Variants in MEI1 observed in about 807,000 individuals in gnomAD.
The protein encoded by MEI1 is meiosis inhibitor protein 1.
A neutral mutation model predicts 146.2 loss-of-function variants in MEI1; 103 were observed. The observed-to-expected ratio is 0.70, with a 90% CI of 0.60 to 0.83. The LOEUF (loss-of-function observed/expected upper bound fraction) is 0.83, where lower values mean the gene tolerates loss of function less well. Among genes scored for constraint, MEI1 ranks in the 40% least tolerant of loss-of-function variants. The pLI is 0.00. For missense variants in MEI1, 1,529 were observed against 1,533.0 expected (o/e 1.00, Z 0.04); for synonymous variants, 652 against 628.2 (o/e 1.04, Z -0.57).
chr22:41,794,589 G>A (rs2076299478), intron 28 of MEI1, 112 bp downstream of exon 28: 2 of 816,430 alleles, frequency 2.4e-6, no homozygotes, highest in East Asian at 5.0e-5. Flanking sequence ...GAAGGTGGAA[G>A]GGCTCGGCAG....
chr22:41,781,578 T>TCC (rs1321866029), intron 23 of MEI1, 107 bp from the exon 24 acceptor site: 1 of 1,343,038 alleles, frequency 7.4e-7, no homozygotes, highest in African/African-American at 1.8e-5. Flanking sequence ...CTCAGGATGA[T>TCC]CCTCTGTTTG....
chr22:41,720,959 T>G (rs1337439708), intron 6 of MEI1, among the ~76,000 whole-genome samples: 1 of 151,566 alleles, frequency 6.6e-6, no homozygotes, highest in Non-Finnish European at 1.5e-5. Context: ...TTTTTTTTTT[T>G]AAGTAGAGAC....
chr22:41,773,623 C>G (rs1040712542), intron 20 of MEI1, among the ~76,000 whole-genome samples: 11 of 151,090 alleles, frequency 7.3e-5, no homozygotes, highest in African/African-American at 2.7e-4. Context: ...CGCCTGTAAT[C>G]CCAGCGCTTT....
Position 41,795,322 on chromosome 22 carries a change from G to C in MEI1, c.3535-89G>C. 1 of 1,544,080 alleles carries C rather than the reference G, an allele frequency of 6.5e-7. No individual in the cohort carries two copies. Among genetic ancestry groups the C allele is most frequent in the Non-Finnish European group, 8.8e-7 (1 of 1,132,844 alleles). ...GGCAGGTTCTGTGGGCTTCAGGACAGTGTCTCCTAAAGTTGGGGCACAGCA... is the reference window on the plus strand; with the variant it reads ...GGCAGGTTCTGTGGGCTTCAGGACACTGTCTCCTAAAGTTGGGGCACAGCA... On this transcript the variant is annotated intron_variant, in intron 28 of 30. Coordinates refer to ENST00000401548, the MANE Select transcript of MEI1 (RefSeq NM_152513.4). The surrounding 1 kb of genome is among the most constrained non-coding windows in gnomAD (Gnocchi z 4.2).
chr22:41,717,168 AATTAAT>A (rs2070284608), intron 5 of MEI1, among the ~76,000 whole-genome samples: 1 of 151,904 alleles, frequency 6.6e-6, no homozygotes, highest in Non-Finnish European at 1.5e-5. Flanking sequence ...TTTTTAAAAA[AATTAAT>A]AATAATAATA....
intron 25 of MEI1, 74 bp from the exon 26 acceptor site, chr22:41,784,534 C>T: frequency 6.3e-7 from 1 of 1,596,360 alleles, no homozygotes; most frequent in Non-Finnish European, 8.6e-7. Context: ...TTCATTGTCT[C>T]CCATCCTGTG....
At chr22:41,733,676 T>C (rs1006018352) in intron 11 of MEI1, among the ~76,000 whole-genome samples, 4 of 146,594 alleles carry the variant, frequency 2.7e-5, no homozygotes, top group Admixed American at 6.8e-5. Context: ...GCAGAGGTTG[T>C]AGTAAGCCAA....
chr22:41,738,432 T>C (rs1365416419), intron 11 of MEI1, among the ~76,000 whole-genome samples: 1 of 151,900 alleles, frequency 6.6e-6, no homozygotes, highest in African/African-American at 2.4e-5. Flanking sequence ...ACTAAAAATA[T>C]AAAAATTAGC....
chr22:41,729,018 G>A (rs1034531998), intron 7 of MEI1, among the ~76,000 whole-genome samples: 3 of 151,288 alleles, frequency 2.0e-5, no homozygotes, highest in Non-Finnish European at 4.4e-5. Flanking sequence ...ACAAAAATTA[G>A]CTGAGCGTGG....
chr22:41,785,895 A>T (rs1243496295), intron 26 of MEI1, among the ~76,000 whole-genome samples: 6 of 124,026 alleles, frequency 4.8e-5, no homozygotes, highest in Admixed American at 1.8e-4. Flanking sequence ...TTATTTTTTT[A>T]TTTTTTTATT....
At chr22:41,764,378 C>A (rs1220273909) in intron 19 of MEI1, among the ~76,000 whole-genome samples, 2 of 152,150 alleles carry the variant, frequency 1.3e-5, no homozygotes, top group Non-Finnish European at 2.9e-5. Context: ...CCAGTGGCTG[C>A]TACTAGCACA....
At chr22:41,709,712 C>T (rs2069387237) in intron 3 of MEI1, among the ~76,000 whole-genome samples, 1 of 151,970 alleles carries the variant, frequency 6.6e-6, no homozygotes, top group Non-Finnish European at 1.5e-5. Flanking sequence ...AGACATAGTC[C>T]TCCTTGCCAT....
At chr22:41,774,964 C>T (rs142604019) in intron 20 of MEI1, among the ~76,000 whole-genome samples, 1 of 152,230 alleles carries the variant, frequency 6.6e-6, no homozygotes, top group African/African-American at 2.4e-5. Context: ...GCATTGTAGC[C>T]ATATCTCTCT....
At chr22:41,796,096 A>T (rs569222495) in intron 30 of MEI1, among the ~76,000 whole-genome samples, 1 of 152,324 alleles carries the variant, frequency 6.6e-6, no homozygotes, top group East Asian at 1.9e-4. Flanking sequence ...GCAGGGGTCA[A>T]TTAACAGTGT....
Position 41,721,065 on chromosome 22 carries a change from C to A in MEI1, c.733+2791C>A, listed in dbSNP as rs140178732. 5.6e-3 allele frequency among the ~76,000 whole-genome samples: 850 copies of A among 151,632 alleles called. 2 individuals carry two copies. Among genetic ancestry groups the A allele is most frequent in the Middle Eastern group, 0.024 (7 of 294 alleles). On this transcript the variant is annotated intron_variant, in intron 6 of 30. Coordinates refer to ENST00000401548, the MANE Select transcript of MEI1 (RefSeq NM_152513.4). ...AAGTGCTGGGATTACAGGCTTAAGC[C>A]ACTGCGCCCAGCCTTTTTTTTGTAT...
At chr22:41,741,472 A>G (rs921110925) in intron 11 of MEI1, among the ~76,000 whole-genome samples, 4 of 152,216 alleles carry the variant, frequency 2.6e-5, no homozygotes, top group Non-Finnish European at 1.5e-5. Flanking sequence ...CTCACAATTA[A>G]ACTAGTCAAT....
chr22:41,703,254 T>G, intron 1 of MEI1, 77 bp from the exon 2 acceptor site: 1 of 1,488,132 alleles, frequency 6.7e-7, no homozygotes, highest in South Asian at 1.2e-5. Flanking sequence ...TGTAATTGTA[T>G]TTGGAAATTA....
chr22:41,731,804 G>A (rs2071890531), intron 9 of MEI1, among the ~76,000 whole-genome samples: 1 of 152,188 alleles, frequency 6.6e-6, no homozygotes, highest in Admixed American at 6.6e-5. Flanking sequence ...GGAGAGAGAT[G>A]CAAAGGGAAA....
chr22:41,771,334 A>G (rs1439240806), intron 20 of MEI1, among the ~76,000 whole-genome samples: 2 of 152,208 alleles, frequency 1.3e-5, no homozygotes, highest in Non-Finnish European at 2.9e-5. Flanking sequence ...GTAGATGGAC[A>G]TTTCTGATGG....
Sources: allele counts gnomAD v4.1 joint callset (sites outside exome capture counted in the v4.1 genomes callset), GRCh38; gene constraint gnomAD v4.1.1; non-coding constraint Gnocchi (gnomAD v3.1); transcripts MANE v1.5; gene names NCBI Gene and HGNC (gene_info 2026-07-23, HGNC 2026-07-21).